RAD51B: variants seen among roughly 807,000 people sequenced by gnomAD.
The protein encoded by RAD51B is RAD51 paralog B, also known as DNA repair protein RAD51 homolog 2.
A neutral mutation model predicts 42.2 loss-of-function variants in RAD51B; 38 were observed. The observed-to-expected ratio is 0.90, with a 90% CI of 0.70 to 1.18. The LOEUF is 1.18. Among genes scored for constraint, RAD51B ranks in the 50% most tolerant of loss-of-function variants. The pLI is 0.00. For missense variants in RAD51B, 373 were observed against 400.7 expected (o/e 0.93, Z 0.59); for synonymous variants, 154 against 145.2 (o/e 1.06, Z -0.43).
chr14:68,505,438 G>A (rs766883334), intron 10 of RAD51B, among the ~76,000 whole-genome samples: 8 of 151,264 alleles, frequency 5.3e-5, no homozygotes, highest in South Asian at 2.1e-4. Context: ...TCAGCTGCCC[G>A]CTCTGTCCAG....
chr14:67,820,102 G>A (rs1486179794), intron 1 of RAD51B, among the ~76,000 whole-genome samples: 1 of 152,126 alleles, frequency 6.6e-6, no homozygotes, highest in Non-Finnish European at 1.5e-5. Flanking sequence ...CTTTTTAGGG[G>A]ATTCTGGGTG....
intron 7 of RAD51B, among the ~76,000 whole-genome samples, chr14:68,064,281 T>C (rs564320783): frequency 4.5e-4 from 69 of 152,334 alleles, no homozygotes; most frequent in Non-Finnish European, 5.9e-4. Context: ...GATTTTATTC[T>C]CTCTTGGCCT....
At chr14:68,521,023 T>C (rs1439979658) in intron 10 of RAD51B, among the ~76,000 whole-genome samples, 1 of 152,112 alleles carries the variant, frequency 6.6e-6, no homozygotes, top group Non-Finnish European at 1.5e-5. Context: ...TTTGAGGTAC[T>C]TGAAAGGGAG....
At chr14:68,257,471 G>T (rs181563011) in intron 7 of RAD51B, among the ~76,000 whole-genome samples, 2 of 152,012 alleles carry the variant, frequency 1.3e-5, no homozygotes, top group African/African-American at 4.8e-5. Context: ...AAAAATGGAA[G>T]AATTAAACTG....
At chr14:68,429,079 T>C (rs970334057) in intron 9 of RAD51B, among the ~76,000 whole-genome samples, 23 of 152,136 alleles carry the variant, frequency 1.5e-4, no homozygotes, top group African/African-American at 5.1e-4. Context: ...ACAAAGGACA[T>C]GAACTCATCA....
chr14:68,474,235 T>C (rs1198916082), intron 10 of RAD51B, among the ~76,000 whole-genome samples: 2 of 120,020 alleles, frequency 1.7e-5, no homozygotes, highest in Non-Finnish European at 3.5e-5. Flanking sequence ...TCTACACGTT[T>C]CCATTTACTA....
intron 10 of RAD51B, among the ~76,000 whole-genome samples, chr14:68,639,182 C>T (rs1164835846): frequency 1.3e-5 from 2 of 152,148 alleles, no homozygotes; most frequent in Non-Finnish European, 2.9e-5. Context: ...TAACAGACTC[C>T]AGAATCTCAG....
downstream of RAD51B, among the ~76,000 whole-genome samples, chr14:68,478,791 G>A (rs1882927695): frequency 6.6e-6 from 1 of 152,240 alleles, no homozygotes; most frequent in Admixed American, 6.5e-5. Flanking sequence ...TGTGCACCAA[G>A]TAGGTGCAGA....
At chr14:67,991,908 A>G (rs1490176657) in intron 7 of RAD51B, among the ~76,000 whole-genome samples, 1 of 152,196 alleles carries the variant, frequency 6.6e-6, no homozygotes, top group African/African-American at 2.4e-5. Flanking sequence ...AATATAATAT[A>G]TAATGCTATG....
In RAD51B at chr14:68,198,021, G is replaced by T. The variant is rs116576893; in HGVS notation, c.757-93863G>T. 7.5e-3 allele frequency among the ~76,000 whole-genome samples: 1,137 copies of T among 152,052 alleles called. 12 individuals carry two copies. Among genetic ancestry groups the T allele is most frequent in the African/African-American group, 0.026 (1,076 of 41,480 alleles). ...TTTATAGCCTTTTAAAGAAATCTTTGTCAACCTCATGGTTGCAGCAATCTT... is the reference window on the plus strand; with the variant it reads ...TTTATAGCCTTTTAAAGAAATCTTTTTCAACCTCATGGTTGCAGCAATCTT... On this transcript the variant is annotated intron_variant, in intron 7 of 10. Transcript: ENST00000471583.
At chr14:68,172,750 T>C (rs2078897110) in intron 7 of RAD51B, among the ~76,000 whole-genome samples, 1 of 152,224 alleles carries the variant, frequency 6.6e-6, no homozygotes, top group Admixed American at 6.5e-5. Context: ...TGATGGCTTT[T>C]TGTGCTTGGC....
chr14:68,153,158 G>T (rs1391914490), intron 7 of RAD51B, among the ~76,000 whole-genome samples: 1 of 152,046 alleles, frequency 6.6e-6, no homozygotes, highest in African/African-American at 2.4e-5. Flanking sequence ...GTGTTACTGT[G>T]CCACTTTACG....
intron 11 of RAD51B, among the ~76,000 whole-genome samples, chr14:68,657,016 G>A (rs1892829704): frequency 6.6e-6 from 1 of 152,228 alleles, no homozygotes; most frequent in African/African-American, 2.4e-5. Flanking sequence ...CCTAGTCATA[G>A]TGCTGCCTTT....
chr14:68,275,736 T>C (rs1240310472), intron 7 of RAD51B, among the ~76,000 whole-genome samples: 2 of 151,938 alleles, frequency 1.3e-5, no homozygotes, highest in Non-Finnish European at 2.9e-5. Context: ...TGGGGCCTGA[T>C]ATTCTTTGAT....
At chr14:68,515,070 A>C (rs1886038795) in intron 10 of RAD51B, among the ~76,000 whole-genome samples, 1 of 152,048 alleles carries the variant, frequency 6.6e-6, no homozygotes, top group African/African-American at 2.4e-5. Flanking sequence ...TACTAAAGAT[A>C]TTTCTTATGT....
At position 67,835,091 on chromosome 14, in the gene RAD51B, A is replaced by G. The variant is rs1280902911; in HGVS notation, c.210A>G (p.Ile70Met). 1 of 1,612,078 alleles carries G rather than the reference A, an allele frequency of 6.2e-7. No individual in the cohort carries two copies. Among genetic ancestry groups the G allele is most frequent in the African/African-American group, 1.3e-5 (1 of 74,878 alleles). Reference sequence around the variant, plus strand: ...ATTTTCTTGTTTAGGCTTATGGGATAAAAGCACAAAGGTCTGCTGATTTCT... The same window carrying G: ...ATTTTCTTGTTTAGGCTTATGGGATGAAAGCACAAAGGTCTGCTGATTTCT... ...CAPKMQTAYG[I>M]KAQRSADFSP... Residue 70 changes from isoleucine to methionine, a missense_variant, in exon 4 of 11, where the codon ATA becomes ATG. Transcript: ENST00000471583.
At chr14:68,189,727 C>A (rs973304099) in intron 7 of RAD51B, among the ~76,000 whole-genome samples, 1 of 152,074 alleles carries the variant, frequency 6.6e-6, no homozygotes, top group Non-Finnish European at 1.5e-5. Context: ...AATGTTGTGG[C>A]ATGATCTCGG....
chr14:68,027,012 A>C (rs970956791), intron 7 of RAD51B, among the ~76,000 whole-genome samples: 1 of 152,188 alleles, frequency 6.6e-6, no homozygotes, highest in Non-Finnish European at 1.5e-5. Context: ...ACTCCCTTAT[A>C]GGCCTCTTAT....
At chr14:67,972,968 G>A (rs2074926201) in intron 7 of RAD51B, among the ~76,000 whole-genome samples, 1 of 152,066 alleles carries the variant, frequency 6.6e-6, no homozygotes, top group African/African-American at 2.4e-5. Context: ...TCCCAACAAG[G>A]GTAGGGATTG....
Sources: allele counts gnomAD v4.1 joint callset (sites outside exome capture counted in the v4.1 genomes callset), GRCh38; gene constraint gnomAD v4.1.1; transcripts MANE v1.5; gene names NCBI Gene and HGNC (gene_info 2026-07-23, HGNC 2026-07-21).